The following WDR91 variants were observed in gnomAD, a reference collection of about 807,000 sequenced individuals.
WDR91 encodes the protein WD repeat-containing protein 91.
In WDR91, 52 loss-of-function variants were observed where a neutral mutation model predicts 88.4. That is an observed-to-expected ratio of 0.59 (90% confidence interval 0.47 to 0.74). The LOEUF (loss-of-function observed/expected upper bound fraction) is 0.74. Ranked by LOEUF, WDR91 falls within the 30% of genes least tolerant of loss-of-function variation. The pLI is 0.00. For synonymous variants in WDR91, 362 were observed against 389.5 expected (o/e 0.93, Z 0.83); for missense variants, 824 against 954.5 (o/e 0.86, Z 1.80).
chr7:135,199,162 A>T (rs1035272676), intron 6 of WDR91: 2 of 152,232 alleles, frequency 1.3e-5, no homozygotes, highest in African/African-American at 4.8e-5. Flanking sequence ...TCAACAGTAA[A>T]TAATTTAAAA....
intron 6 of WDR91, among the ~76,000 whole-genome samples, chr7:135,201,119 G>C (rs1831552679): frequency 6.6e-6 from 1 of 152,148 alleles, no homozygotes; most frequent in African/African-American, 2.4e-5. Context: ...GGATGCTTTG[G>C]TGCCTTACAT....
In WDR91 at chr7:135,193,575, C is replaced by T. The variant is rs1390676410; in HGVS notation, c.1490+3G>A. ...TGATGGTGGGGGGTAGGTTCCAGTT[C>T]ACCTGGGCATGTTGTCGTTGATATT... On this transcript the variant is annotated splice_donor_region_variant and intron_variant, in intron 10 of 14. Coordinates refer to ENST00000354475, the MANE Select transcript of WDR91 (RefSeq NM_014149.4). 1 of 1,613,900 alleles carries T rather than the reference C, an allele frequency of 6.2e-7. No individual in the cohort carries two copies. Among genetic ancestry groups the T allele is most frequent in the Non-Finnish European group, 8.5e-7 (1 of 1,179,986 alleles).
chr7:135,189,380 C>G lies in WDR91; in HGVS notation c.1732G>C (p.Val578Leu). 1 of 1,613,944 alleles carries G rather than the reference C, an allele frequency of 6.2e-7. No homozygotes were observed. Among genetic ancestry groups the G allele is most frequent in the Non-Finnish European group, 8.5e-7 (1 of 1,179,858 alleles). The change falls in exon 12 of 15, where the codon GTC (valine) becomes CTC (leucine). Residue 578 changes from valine to leucine, a missense_variant. Physicochemically the swap from Val to Leu is conservative, Grantham distance 32 (BLOSUM62 1). Transcript: ENST00000354475. The part of the protein sequence containing the change: ...TAFNHNGNLL[V>L]TGAADGVIRL... Reference sequence around the variant, plus strand: ...ATGACGCCATCAGCTGCCCCTGTGACCAGCAGGTTCCCGTTGTGATTGAAG... The same window carrying G: ...ATGACGCCATCAGCTGCCCCTGTGAGCAGCAGGTTCCCGTTGTGATTGAAG...
chr7:135,191,604 C>CAAAAAAAA (rs10717249), intron 11 of WDR91, among the ~76,000 whole-genome samples: 7 of 82,852 alleles, frequency 8.4e-5, no homozygotes, highest in Admixed American at 3.1e-4. Flanking sequence ...GACTCCATCT[C>CAAAAAAAA]AAAAAAAAAA....
At position 135,193,545 on chromosome 7, in the gene WDR91, G is replaced by A. The variant is rs199880630; in HGVS notation, c.1490+33C>T. On this transcript the variant is annotated intron_variant, in intron 10 of 14. Transcript: ENST00000354475. ...CCGCGGACCACACTTGGCAGCCTGC[G>A]GCCTTGATGGTGGGGGGTAGGTTCC... The A allele has an allele frequency of 7.4e-5, 119 of 1,613,478 alleles. 1 individual carries two copies. The East Asian group carries it at 2.2e-3, about 30-fold the overall frequency.
At chr7:135,191,301 A>G (rs1831154744) in intron 11 of WDR91, among the ~76,000 whole-genome samples, 1 of 152,214 alleles carries the variant, frequency 6.6e-6, no homozygotes, top group African/African-American at 2.4e-5. Context: ...TTGACATGAT[A>G]AAGTAATTTT....
At chr7:135,201,082 A>G (rs1212077504) in intron 6 of WDR91, among the ~76,000 whole-genome samples, 1 of 152,232 alleles carries the variant, frequency 6.6e-6, no homozygotes, top group African/African-American at 2.4e-5. Flanking sequence ...TTTGACACTA[A>G]TAACAGTCAC....
chr7:135,186,040 AGTCACTGCACTGGCAGGGAGC>A lies in WDR91; in HGVS notation c.*90_*110del, dbSNP rs1830923447. ...CCTCCTTGCCAGTCTTTCCCTGCAG[AGTCACTGCACTGGCAGGGAGC>A]TGGAGTGGAGCACGTGGTTTTCCTG... On this transcript the variant is annotated 3_prime_UTR_variant, in exon 15 of 15. Coordinates refer to ENST00000354475, the MANE Select transcript of WDR91 (RefSeq NM_014149.4). 8.0e-7 allele frequency: 1 copy of A among 1,256,904 alleles called. No homozygotes were observed. The highest frequency in any genetic ancestry group is 1.1e-6 in the Non-Finnish European group (1 of 935,252). The allele number at this position is 1,256,904 out of a possible 1,614,324, so 77.9% of individuals were successfully genotyped here.
chr7:135,209,174 A>G (rs1452314093), intron 2 of WDR91, among the ~76,000 whole-genome samples, 176 bp from the exon 3 acceptor site: 2 of 148,610 alleles, frequency 1.3e-5, no homozygotes, highest in African/African-American at 5.0e-5. Flanking sequence ...TTGTCATTTC[A>G]AAGCTGGTTT....
Position 135,211,447 on chromosome 7 carries a change from C to A in WDR91, c.56G>T (p.Arg19Leu), listed in dbSNP as rs750320151. 1.2e-6 allele frequency: 2 copies of A among 1,612,526 alleles called. No individual in the cohort carries two copies. Among genetic ancestry groups the A allele is most frequent in the Admixed American group, 1.7e-5 (1 of 59,982 alleles). The part of the protein sequence containing the change: ...DELVREYLLF[R>L]GFTHTLRQLD... ...CTGCCGCAGTGTGTGCGTGAACCCG[C>A]GGAAGAGCAGGTACTCCCGGACCAG... The change falls in exon 1 of 15, where the codon CGC (arginine) becomes CTC (leucine). Residue 19 changes from arginine to leucine, a missense_variant. Transcript: ENST00000354475.
At chr7:135,201,573 A>G (rs1489564010) in intron 6 of WDR91, 1 of 152,244 alleles carries the variant, frequency 6.6e-6, no homozygotes, top group Non-Finnish European at 1.5e-5. Flanking sequence ...AATGCTTTCT[A>G]TAAATTATAT....
intron 6 of WDR91, chr7:135,199,757 C>CTTA (rs1831503038): frequency 1.3e-5 from 2 of 152,386 alleles, no homozygotes; most frequent in South Asian, 4.1e-4. Flanking sequence ...TTATGGGCCC[C>CTTA]TTCCTGCCTT....
rs1831354639 is a variant in WDR91, at chr7:135,196,090, A to C, written c.1244+54T>G. ...TCCTGCTGGCCACACCTCCACGTGTACTGCCTGAAAATCTGAGCTTCCCAG... is the reference window on the plus strand; with the variant it reads ...TCCTGCTGGCCACACCTCCACGTGTCCTGCCTGAAAATCTGAGCTTCCCAG... On this transcript the variant is annotated intron_variant, in intron 8 of 14. Coordinates refer to ENST00000354475, the MANE Select transcript of WDR91 (RefSeq NM_014149.4). This position sits in a 1 kb window ranked among gnomAD's most constrained non-coding sequence, Gnocchi z 4.2. 1.2e-5 allele frequency: 17 copies of C among 1,450,860 alleles called. No homozygotes were observed. In the South Asian group the frequency reaches 2.2e-4, roughly 19 times the overall value. The allele number at this position is 1,450,860 out of a possible 1,614,324, so 89.9% of individuals were successfully genotyped here. A position where few individuals can be genotyped will look rare whatever the true frequency, so the allele number is the denominator to read the frequency against.
chr7:135,187,728 C>T (rs913332822), intron 13 of WDR91, among the ~76,000 whole-genome samples: 5 of 152,204 alleles, frequency 3.3e-5, no homozygotes, highest in African/African-American at 4.8e-5. Flanking sequence ...GCCTACCCTA[C>T]GGACAGGATA....
At chr7:135,193,780 T>C in intron 9 of WDR91, 108 bp from the exon 10 acceptor site, 1 of 841,948 alleles carries the variant, frequency 1.2e-6, no homozygotes, top group South Asian at 1.5e-5. Flanking sequence ...GTGAGGCCCC[T>C]CCTCTACGCA....
At chr7:135,199,922 A>C (rs1353267871) in intron 6 of WDR91, 1 of 152,250 alleles carries the variant, frequency 6.6e-6, no homozygotes, top group Non-Finnish European at 1.5e-5. Context: ...AGGAGCAAAC[A>C]ATAAAACACT....
chr7:135,184,603 G>T lies in WDR91; in HGVS notation c.*1548C>A. 1 of 152,474 alleles carries T rather than the reference G, an allele frequency of 6.6e-6. No homozygotes were observed. Among genetic ancestry groups the T allele is most frequent in the Non-Finnish European group, 1.5e-5 (1 of 68,160 alleles). The allele number at this position is 152,474 out of a possible 1,614,324, so 9.4% of individuals were successfully genotyped here. A position where few individuals can be genotyped will look rare whatever the true frequency, so the allele number is the denominator to read the frequency against. On this transcript the variant is annotated 3_prime_UTR_variant, in exon 15 of 15. Transcript: ENST00000354475. ...CCTCTTCAAGGTCCCACCCCAGCCA[G>T]GGAGGAGAGGGCAGGCCTCAGGCAG... is the stretch of plus-strand genomic sequence containing the variant.
chr7:135,209,798 G>A, intron 1 of WDR91, 43 bp from the exon 2 acceptor site: 3 of 1,450,142 alleles, frequency 2.1e-6, no homozygotes, highest in East Asian at 2.6e-5. Flanking sequence ...GGGACAGAAG[G>A]GAATTCTCCC....
intron 6 of WDR91, 43 bp downstream of exon 6, chr7:135,204,225 C>CG: frequency 6.2e-7 from 1 of 1,602,850 alleles, no homozygotes; most frequent in Non-Finnish European, 8.5e-7. Flanking sequence ...GGAGCTGTCA[C>CG]GGCCTTCTTG....
Sources: gnomAD v4.1 joint callset for allele counts (sites outside exome capture counted in the v4.1 genomes callset) on GRCh38, gnomAD v4.1.1 for gene constraint, Gnocchi (gnomAD v3.1) non-coding constraint, MANE v1.5 for transcripts, NCBI Gene and HGNC (gene_info 2026-07-23, HGNC 2026-07-21) for gene names.